The following LGALS16 variants were observed in gnomAD, a reference collection of about 807,000 sequenced individuals.
LGALS16 encodes galectin 16.
Under a neutral mutation model 13.2 loss-of-function variants are expected in LGALS16, and 15 were observed. The observed-to-expected ratio is 1.13, with a 90% CI of 0.76 to 1.75. The LOEUF is 1.75. LGALS16 is among the 40% of genes most tolerant of loss of function. The probability of loss-of-function intolerance (pLI) is 0.00; values close to 1 mark genes in which losing one functional copy is unlikely to be tolerated. For missense variants in LGALS16, 198 were observed against 178.4 expected, an observed-to-expected ratio of 1.11 and a Z score of -0.63; for synonymous variants, 66 against 65.4, an observed-to-expected ratio of 1.01 and a Z score of -0.05.
Position 39,658,537 on chromosome 19 carries a change from A to C in LGALS16, c.170A>C (p.His57Pro), listed in dbSNP as rs1050953567. Residue 57 changes from histidine to proline, a missense_variant, in exon 3 of 4, where the codon CAC becomes CCC. His to Pro is a moderately conservative substitution (Grantham distance 77, BLOSUM62 -2). Transcript: ENST00000392051. ...DSEIAFHLRV[H>P]LGRRVVMNSR... Reference sequence around the variant, plus strand: ...GAAATTGCCTTCCATTTGCGAGTGCACTTAGGCCGTCGTGTGGTCATGAAC... The same window carrying C: ...GAAATTGCCTTCCATTTGCGAGTGCCCTTAGGCCGTCGTGTGGTCATGAAC... 4.4e-6 allele frequency: 7 copies of C among 1,608,012 alleles called. No homozygotes were observed. The highest frequency in any genetic ancestry group is 5.9e-6 in the Non-Finnish European group (7 of 1,178,636).
At chr19:39,658,844 C>G (rs1973228261) in intron 3 of LGALS16, among the ~76,000 whole-genome samples, 174 bp downstream of exon 3, 1 of 152,166 alleles carries the variant, frequency 6.6e-6, no homozygotes, top group African/African-American at 2.4e-5. Context: ...AGCTCTTTCC[C>G]AAATCTGACC....
chr19:39,658,564 G>T lies in LGALS16; in HGVS notation c.197G>T (p.Ser66Ile). 1 of 1,609,060 alleles carries T rather than the reference G, an allele frequency of 6.2e-7. No individual in the cohort carries two copies. Among genetic ancestry groups the T allele is most frequent in the Non-Finnish European group, 8.5e-7 (1 of 1,179,160 alleles). ...VHLGRRVVMNSREFGIWMLEE... is the reference protein window; with the variant it reads ...VHLGRRVVMNIREFGIWMLEE... Reference sequence around the variant, plus strand: ...TTAGGCCGTCGTGTGGTCATGAACAGTCGTGAGTTTGGGATATGGATGTTG... The same window carrying T: ...TTAGGCCGTCGTGTGGTCATGAACATTCGTGAGTTTGGGATATGGATGTTG... Residue 66 changes from serine to isoleucine, a missense_variant, in exon 3 of 4, where the codon AGT becomes ATT. Transcript: ENST00000392051.
In LGALS16 at chr19:39,658,631, A is replaced by G. The variant is rs1441822887; in HGVS notation, c.264A>G (p.Pro88=). 6.3e-7 allele frequency: 1 copy of G among 1,598,580 alleles called. No homozygotes were observed. The highest frequency in any genetic ancestry group is 1.7e-5 in the Admixed American group (1 of 58,412). Residue 88 remains proline (P), a synonymous_variant, in exon 3 of 4, where the codon CCA becomes CCG. Coordinates refer to ENST00000392051, the MANE Select transcript of LGALS16 (RefSeq NM_001190441.3). Reference sequence around the variant, plus strand: ...ATGTGCCCTTTGAGGATGGCAAACCATTTGACTTGCGCATCTACGTGTGTC... The same window carrying G: ...ATGTGCCCTTTGAGGATGGCAAACCGTTTGACTTGCGCATCTACGTGTGTC... ...LHYVPFEDGK[P]FDLRIYVCHN...
intron 3 of LGALS16, 30 bp from the exon 4 acceptor site, chr19:39,660,365 T>A: frequency 6.5e-7 from 1 of 1,539,308 alleles, no homozygotes; most frequent in Non-Finnish European, 8.7e-7. Flanking sequence ...GGTGGCATAC[T>A]GTCTTTCTGA....
At chr19:39,659,650 A>G (rs1973237448) in intron 3 of LGALS16, among the ~76,000 whole-genome samples, 1 of 152,212 alleles carries the variant, frequency 6.6e-6, no homozygotes, top group African/African-American at 2.4e-5. Flanking sequence ...ACCTCCCAAT[A>G]CTTACATTGC....
chr19:39,657,789 G>T, intron 1 of LGALS16, 94 bp from the exon 2 acceptor site: 1 of 1,407,452 alleles, frequency 7.1e-7, no homozygotes. Context: ...AGCCTGCCCT[G>T]TGATCTCTAA....
At chr19:39,659,067 C>A (rs978798687) in intron 3 of LGALS16, among the ~76,000 whole-genome samples, 14 of 151,786 alleles carry the variant, frequency 9.2e-5, no homozygotes, top group Non-Finnish European at 1.9e-4. Flanking sequence ...ATAACATTAC[C>A]AGAGCTCTGC....
chr19:39,657,949 G>C lies in LGALS16; in HGVS notation c.82G>C (p.Asp28His). Residue 28 changes from aspartate to histidine, a missense_variant, in exon 2 of 4, where the codon GAC (aspartate) becomes CAC (histidine). Coordinates refer to ENST00000392051, the MANE Select transcript of LGALS16 (RefSeq NM_001190441.3). ...SCVIIKGTLI[D>H]SSINEPQLQV... ...CGTGATAATCAAAGGGACACTGATCGACTCTTCTATGTGAGTACTCCATGG... is the reference window on the plus strand; with the variant it reads ...CGTGATAATCAAAGGGACACTGATCCACTCTTCTATGTGAGTACTCCATGG... The C allele has an allele frequency of 6.2e-7, 1 of 1,613,916 alleles. No homozygotes were observed. Among genetic ancestry groups the C allele is most frequent in the South Asian group, 1.1e-5 (1 of 91,080 alleles).
At chr19:39,660,042 T>C (rs536370206) in intron 3 of LGALS16, among the ~76,000 whole-genome samples, 1 of 152,308 alleles carries the variant, frequency 6.6e-6, no homozygotes, top group South Asian at 2.1e-4. Context: ...TCAGTGAACA[T>C]GGTCTCGCAC....
At position 39,658,654 on chromosome 19, in the gene LGALS16, G is replaced by T; in HGVS notation, c.287G>T (p.Cys96Phe). Reference protein sequence around the residue: ...GKPFDLRIYVCHNEYEVKVNG... With the variant: ...GKPFDLRIYVFHNEYEVKVNG... ...CCATTTGACTTGCGCATCTACGTGTGTCACAATGAGTATGAGGTGAGCACC... is the reference window on the plus strand; with the variant it reads ...CCATTTGACTTGCGCATCTACGTGTTTCACAATGAGTATGAGGTGAGCACC... The change falls in exon 3 of 4, where the codon TGT becomes TTT. Residue 96 changes from cysteine to phenylalanine, a missense_variant. By Grantham distance (205) the Cys-to-Phe change is radical. Coordinates refer to ENST00000392051, the MANE Select transcript of LGALS16 (RefSeq NM_001190441.3). The T allele has an allele frequency of 1.3e-6, 2 of 1,579,494 alleles. No homozygotes were observed.
chr19:39,656,220 A>G (rs563721852), intron 1 of LGALS16, among the ~76,000 whole-genome samples: 12 of 152,260 alleles, frequency 7.9e-5, no homozygotes, highest in African/African-American at 2.9e-4. Flanking sequence ...GTGAACTCTG[A>G]TGAGATGATG....
intron 1 of LGALS16, among the ~76,000 whole-genome samples, chr19:39,657,616 A>T (rs544331400): frequency 1.4e-4 from 21 of 152,298 alleles, no homozygotes; most frequent in African/African-American, 5.1e-4. Context: ...GAAACTGAGG[A>T]AGTCAAGTAA....
chr19:39,658,447 G>A lies in LGALS16; in HGVS notation c.93-13G>A, dbSNP rs1180664033. ...AAGGAACCTGTCCAATATGCTGTGT[G>A]CTTTGCCCTCAGCAACGAACCACAG... On this transcript the variant is annotated splice_polypyrimidine_tract_variant and intron_variant, in intron 2 of 3. Coordinates refer to ENST00000392051, the MANE Select transcript of LGALS16 (RefSeq NM_001190441.3). The A allele has an allele frequency of 6.3e-7, 1 of 1,582,830 alleles. No homozygotes were observed. Among genetic ancestry groups the A allele is most frequent in the South Asian group, 1.1e-5 (1 of 88,276 alleles).
Position 39,655,927 on chromosome 19 carries a change from A to C in LGALS16, c.-35A>C, listed in dbSNP as rs767765802. 4 of 1,612,598 alleles carry C rather than the reference A, an allele frequency of 2.5e-6. No individual in the cohort carries two copies. The African/African-American group carries it at 5.3e-5, about 22-fold the overall frequency. On this transcript the variant is annotated 5_prime_UTR_variant, in exon 1 of 4. Coordinates refer to ENST00000392051, the MANE Select transcript of LGALS16 (RefSeq NM_001190441.3). Reference sequence around the variant, plus strand: ...CTCAGAGATTCACTCAGAAGACTGGACACAATTCCGAAGGTCGCCCAGAAG... The same window carrying C: ...CTCAGAGATTCACTCAGAAGACTGGCCACAATTCCGAAGGTCGCCCAGAAG...
In LGALS16 at chr19:39,657,942, A is replaced by G. The variant is rs768094207; in HGVS notation, c.75A>G (p.Thr25=). The change falls in exon 2 of 4, where the codon ACA becomes ACG. Residue 25 remains threonine (T), a synonymous_variant. Transcript: ENST00000392051. ...GTTCCTGCGTGATAATCAAAGGGACACTGATCGACTCTTCTATGTGAGTAC... is the reference window on the plus strand; with the variant it reads ...GTTCCTGCGTGATAATCAAAGGGACGCTGATCGACTCTTCTATGTGAGTAC... The part of the protein sequence containing the change: ...SVGSCVIIKG[T]LIDSSINEPQ... 5.2e-5 allele frequency: 84 copies of G among 1,613,942 alleles called. No individual in the cohort carries two copies. The highest frequency in any genetic ancestry group is 6.8e-5 in the Non-Finnish European group (80 of 1,180,016).
chr19:39,659,102 C>CCTT (rs1555771011), intron 3 of LGALS16, among the ~76,000 whole-genome samples: 2 of 140,808 alleles, frequency 1.4e-5, no homozygotes, highest in Non-Finnish European at 1.5e-5. Flanking sequence ...AATCCTTTTT[C>CCTT]TTTTTTTTTT....
At chr19:39,659,671 C>CA (rs745753668) in intron 3 of LGALS16, among the ~76,000 whole-genome samples, 1 of 152,086 alleles carries the variant, frequency 6.6e-6, no homozygotes, top group Middle Eastern at 3.4e-3. Context: ...GATATAATTA[C>CA]AAAAAATGAA....
chr19:39,660,390 T>C lies in LGALS16; in HGVS notation c.304-5T>C. ...TGTCTTTCTGATGCATTTTTCCTCT[T>C]AAAGGTAAAGGTAAATGGTGAATAC... On this transcript the variant is annotated splice_region_variant and splice_polypyrimidine_tract_variant and intron_variant, in intron 3 of 3. Transcript: ENST00000392051. 2.6e-6 allele frequency: 4 copies of C among 1,540,154 alleles called. No homozygotes were observed. Among genetic ancestry groups the C allele is most frequent in the Non-Finnish European group, 3.5e-6 (4 of 1,147,740 alleles).
At chr19:39,656,786 T>A (rs1267306297) in intron 1 of LGALS16, among the ~76,000 whole-genome samples, 1 of 152,058 alleles carries the variant, frequency 6.6e-6, no homozygotes, top group Non-Finnish European at 1.5e-5. Context: ...CCCCAGCCTA[T>A]CCTGTCCTTT....
Sources: gnomAD v4.1 joint callset for allele counts (sites outside exome capture counted in the v4.1 genomes callset) on GRCh38, gnomAD v4.1.1 for gene constraint, MANE v1.5 for transcripts, NCBI Gene and HGNC (gene_info 2026-07-23, HGNC 2026-07-21) for gene names.